The following ARHGAP15 variants were observed in gnomAD, a reference collection of about 807,000 sequenced individuals.
ARHGAP15 encodes the protein Rho GTPase activating protein 15, also known as rho GTPase-activating protein 15.
Under a neutral mutation model 63.7 loss-of-function variants are expected in ARHGAP15, and 51 were observed. The observed-to-expected ratio is 0.80, with a 90% CI of 0.64 to 1.01. The LOEUF is 1.01. ARHGAP15 is among the 50% of genes least tolerant of loss of function. The pLI, the probability that ARHGAP15 is intolerant of heterozygous loss-of-function variation, is 0.00. For synonymous variants in ARHGAP15, 191 were observed against 193.8 expected (o/e 0.99, Z 0.12); for missense variants, 560 against 564.6 (o/e 0.99, Z 0.08).
At chr2:143,144,235 T>G (rs931263212) in intron 1 of ARHGAP15, among the ~76,000 whole-genome samples, 1 of 152,046 alleles carries the variant, frequency 6.6e-6, no homozygotes, top group Non-Finnish European at 1.5e-5. Flanking sequence ...TACACATGCA[T>G]AAAGGGATGA....
chr2:143,676,845 C>T (rs1385557014), intron 12 of ARHGAP15, among the ~76,000 whole-genome samples: 1 of 152,172 alleles, frequency 6.6e-6, no homozygotes, highest in Non-Finnish European at 1.5e-5. Context: ...AACAGACTTG[C>T]TCAACCAAAG....
At chr2:143,131,633 C>T (rs900081044) in intron 1 of ARHGAP15, among the ~76,000 whole-genome samples, 1 of 152,154 alleles carries the variant, frequency 6.6e-6, no homozygotes, top group Non-Finnish European at 1.5e-5. Context: ...TTAAAATGTA[C>T]TCATCCCATT....
At chr2:143,309,866 TTG>T (rs10562854) in intron 6 of ARHGAP15, among the ~76,000 whole-genome samples, 14,155 of 148,904 alleles carry the variant, frequency 0.095, 1,248 homozygotes, top group Admixed American at 0.22. Context: ...ATATATGAAC[TTG>T]TGTGTGTGTG....
At chr2:143,479,826 T>C (rs1186772376) in intron 8 of ARHGAP15, among the ~76,000 whole-genome samples, 2 of 152,098 alleles carry the variant, frequency 1.3e-5, no homozygotes, top group African/African-American at 4.8e-5. Context: ...ATATTTTCCC[T>C]CTTTTTATTG....
intron 2 of ARHGAP15, among the ~76,000 whole-genome samples, chr2:143,199,753 G>A (rs1261379569): frequency 1.3e-5 from 2 of 152,010 alleles, no homozygotes; most frequent in Non-Finnish European, 2.9e-5. Context: ...TTGGTGAACG[G>A]CCATACCCTT....
intron 6 of ARHGAP15, among the ~76,000 whole-genome samples, chr2:143,366,392 A>G (rs527577609): frequency 1.3e-5 from 2 of 152,250 alleles, no homozygotes; most frequent in South Asian, 4.1e-4. Context: ...CTAATAATAC[A>G]TGAATTTTCT....
chr2:143,353,113 T>A (rs1006985217), intron 6 of ARHGAP15, among the ~76,000 whole-genome samples: 2 of 152,006 alleles, frequency 1.3e-5, no homozygotes, highest in African/African-American at 2.4e-5. Context: ...TTAAAAAAAA[T>A]TAGAAGGCAC....
chr2:143,649,382 C>T (rs1477263082), intron 12 of ARHGAP15, among the ~76,000 whole-genome samples: 2 of 151,934 alleles, frequency 1.3e-5, no homozygotes, highest in African/African-American at 4.8e-5. Context: ...TGCAAAATGG[C>T]ATTTTTAAAC....
At chr2:143,352,078 C>T (rs945673426) in intron 6 of ARHGAP15, among the ~76,000 whole-genome samples, 3 of 152,112 alleles carry the variant, frequency 2.0e-5, no homozygotes, top group Admixed American at 6.6e-5. Flanking sequence ...CCTCAACTTT[C>T]GAACAACATT....
intron 2 of ARHGAP15, among the ~76,000 whole-genome samples, chr2:143,191,300 A>G (rs1343260707): frequency 6.6e-6 from 1 of 152,232 alleles, no homozygotes; most frequent in Non-Finnish European, 1.5e-5. Context: ...AAGAGAAATT[A>G]TGGAAGTCCA....
chr2:143,575,438 C>A (rs906461391), intron 11 of ARHGAP15, among the ~76,000 whole-genome samples: 6 of 152,178 alleles, frequency 3.9e-5, no homozygotes, highest in African/African-American at 9.6e-5. Context: ...AACCAGGATT[C>A]TGTGAGGGAT....
rs1003132447 is a variant in ARHGAP15 at position 143,592,694 on chromosome 2, T to C, written c.1004-31439T>C. Among the ~76,000 whole-genome samples, 3 of 152,194 alleles carry C rather than the reference T, an allele frequency of 2.0e-5. No homozygotes were observed. In the South Asian group the frequency reaches 6.2e-4, roughly 32 times the overall value. ...GCCAAGAAGAGAAGACTTAACTCTT[T>C]AAACACAAGGGGCCCTTGGACACTT... On this transcript the variant is annotated intron_variant, in intron 11 of 13. Coordinates refer to ENST00000295095, the MANE Select transcript of ARHGAP15 (RefSeq NM_018460.4).
At chr2:143,247,630 T>A (rs1013600407) in intron 5 of ARHGAP15, among the ~76,000 whole-genome samples, 1 of 152,194 alleles carries the variant, frequency 6.6e-6, no homozygotes, top group Admixed American at 6.5e-5. Flanking sequence ...TAGGTAATTA[T>A]ACAGAAATCT....
chr2:143,530,915 T>C (rs1241260811), intron 10 of ARHGAP15, among the ~76,000 whole-genome samples: 1 of 152,112 alleles, frequency 6.6e-6, no homozygotes, highest in East Asian at 1.9e-4. Flanking sequence ...TGATACAAAG[T>C]AAAAAATGTA....
chr2:143,262,535 A>ATTTTTGTTTTTTTTTT (rs1680774563), intron 6 of ARHGAP15, among the ~76,000 whole-genome samples: 1 of 90,924 alleles, frequency 1.1e-5, no homozygotes, highest in Non-Finnish European at 2.1e-5. Context: ...TGAACCTTTG[A>ATTTTTGTTTTTTTTTT]TTTTTTTTTT....
At chr2:143,424,901 C>A (rs1056852178) in intron 6 of ARHGAP15, among the ~76,000 whole-genome samples, 3 of 152,074 alleles carry the variant, frequency 2.0e-5, no homozygotes, top group Admixed American at 1.3e-4. Context: ...CACTAGGCAC[C>A]TAAATGGTTA....
intron 12 of ARHGAP15, among the ~76,000 whole-genome samples, chr2:143,629,833 A>C (rs1698993361): frequency 6.6e-6 from 1 of 152,188 alleles, no homozygotes; most frequent in Admixed American, 6.5e-5. Flanking sequence ...TATGAGAATG[A>C]GAATAGAACA....
At chr2:143,334,511 T>C (rs1163076004) in intron 6 of ARHGAP15, among the ~76,000 whole-genome samples, 1 of 152,190 alleles carries the variant, frequency 6.6e-6, no homozygotes, top group Non-Finnish European at 1.5e-5. Context: ...TAAAATACTA[T>C]AACCTGCTGC....
chr2:143,469,984 T>C (rs2105183198), intron 8 of ARHGAP15, among the ~76,000 whole-genome samples: 1 of 151,980 alleles, frequency 6.6e-6, no homozygotes, highest in Non-Finnish European at 1.5e-5. Context: ...TCTCTCTCCA[T>C]AATTGTCAGA....
Sources: gnomAD v4.1 joint callset for allele counts (sites outside exome capture counted in the v4.1 genomes callset) on GRCh38, gnomAD v4.1.1 for gene constraint, MANE v1.5 for transcripts, NCBI Gene and HGNC (gene_info 2026-07-23, HGNC 2026-07-21) for gene names.